STRBP: variants seen among roughly 807,000 people sequenced by gnomAD.
STRBP encodes the protein spermatid perinuclear RNA-binding protein.
Under a neutral mutation model 80.1 loss-of-function variants are expected in STRBP, and 13 were observed. The ratio of observed to expected loss-of-function variants is 0.16; its 90% CI spans 0.11 to 0.26. The LOEUF is 0.26. Among genes scored for constraint, STRBP ranks in the 10% least tolerant of loss-of-function variants. The pLI is 1.00. For missense variants in STRBP, 485 were observed against 815.2 expected (o/e 0.59, Z 4.93); for synonymous variants, 284 against 291.2 (o/e 0.98, Z 0.25).
chr9:123,142,167 G>A (rs1047445071), intron 13 of STRBP, among the ~76,000 whole-genome samples: 1 of 152,202 alleles, frequency 6.6e-6, no homozygotes, highest in Admixed American at 6.5e-5. Context: ...CCCAGTGTTG[G>A]AGGTGGGGCC....
chr9:123,141,239 ATAGAAG>A (rs1256099350), intron 13 of STRBP, among the ~76,000 whole-genome samples: 1 of 152,220 alleles, frequency 6.6e-6, no homozygotes, highest in African/African-American at 2.4e-5. Flanking sequence ...ATCGACCTAC[ATAGAAG>A]TCTGTACCAA....
At chr9:123,222,642 T>G (rs763279245) in intron 2 of STRBP, among the ~76,000 whole-genome samples, 1 of 152,146 alleles carries the variant, frequency 6.6e-6, no homozygotes, top group Non-Finnish European at 1.5e-5. Flanking sequence ...CTCAGTAAAA[T>G]GTATCAATTC....
At chr9:123,217,807 C>T (rs1436877354) in intron 2 of STRBP, among the ~76,000 whole-genome samples, 1 of 152,180 alleles carries the variant, frequency 6.6e-6, no homozygotes, top group East Asian at 1.9e-4. Flanking sequence ...TTCAGTATTG[C>T]AAATCCACAC....
chr9:123,256,018 CTTTTTT>C (rs11338372), intron 1 of STRBP, among the ~76,000 whole-genome samples: 57 of 71,492 alleles, frequency 8.0e-4, no homozygotes, highest in African/African-American at 4.0e-3. Context: ...TCCTTTCTTT[CTTTTTT>C]TTTTTTTTTT....
chr9:123,229,064 G>C (rs1256511023), intron 2 of STRBP, among the ~76,000 whole-genome samples: 1 of 152,162 alleles, frequency 6.6e-6, no homozygotes, highest in South Asian at 2.1e-4. Flanking sequence ...ATTATGCTAA[G>C]GGAAAGAAGC....
chr9:123,246,424 T>C (rs527723049), intron 1 of STRBP, among the ~76,000 whole-genome samples: 4 of 152,340 alleles, frequency 2.6e-5, no homozygotes, highest in East Asian at 3.9e-4. Flanking sequence ...GGCAGACCGA[T>C]GTAGAGTCGC....
chr9:123,259,029 C>T (rs191974280), intron 1 of STRBP, among the ~76,000 whole-genome samples: 2 of 132,782 alleles, frequency 1.5e-5, no homozygotes, highest in African/African-American at 5.6e-5. Flanking sequence ...ATTCTTGTTA[C>T]TGTATTAAGA....
intron 1 of STRBP, among the ~76,000 whole-genome samples, chr9:123,250,375 AGTTT>A (rs1442610571): frequency 1.3e-5 from 2 of 152,218 alleles, no homozygotes; most frequent in Non-Finnish European, 2.9e-5. Context: ...AACATATAAT[AGTTT>A]ATTAGCATTT....
At chr9:123,144,253 T>C (rs1224530119) in intron 13 of STRBP, among the ~76,000 whole-genome samples, 2 of 151,696 alleles carry the variant, frequency 1.3e-5, no homozygotes, top group Admixed American at 6.6e-5. Flanking sequence ...AAAAAACATA[T>C]TTTTACAGAC....
intron 1 of STRBP, among the ~76,000 whole-genome samples, chr9:123,237,939 T>C (rs2040604495): frequency 1.3e-5 from 2 of 152,166 alleles, no homozygotes; most frequent in African/African-American, 2.4e-5. Flanking sequence ...GGCCCTAAAG[T>C]CAGATTGCCT....
chr9:123,249,126 C>T (rs762860772), intron 1 of STRBP, among the ~76,000 whole-genome samples: 32 of 152,206 alleles, frequency 2.1e-4, no homozygotes, highest in Non-Finnish European at 4.0e-4. Flanking sequence ...ACCTGTAATC[C>T]CAACACCTTG....
At chr9:123,223,430 T>C (rs1588125897) in intron 2 of STRBP, among the ~76,000 whole-genome samples, 1 of 152,150 alleles carries the variant, frequency 6.6e-6, no homozygotes, top group Admixed American at 6.5e-5. Flanking sequence ...ATGTTAAAAA[T>C]AGGTGGAATT....
chr9:123,244,552 A>G (rs1265732851), intron 1 of STRBP, among the ~76,000 whole-genome samples: 1 of 152,224 alleles, frequency 6.6e-6, no homozygotes, highest in Non-Finnish European at 1.5e-5. Flanking sequence ...TCATGAGGGA[A>G]GAAGGTATAT....
In STRBP at chr9:123,161,023, T is replaced by G; in HGVS notation, c.581A>C (p.Lys194Thr). ...KDPPDLLDRQ[K>T]CLNALASLRH... ...AAGAGACGCCAAGGCGTTCAGGCAT[T>G]TCTGCCTGTCCAATAAGTCCGGAGG... Residue 194 changes from lysine to threonine, a missense_variant, in exon 7 of 19, where the codon AAA (lysine) becomes ACA (threonine). By Grantham distance (78) the Lys-to-Thr change is moderately conservative. This residue lies in a region of STRBP where 377 missense variants were observed against 616.1 expected (regional missense o/e 0.61). Transcript: ENST00000348403. 6.3e-7 allele frequency: 1 copy of G among 1,597,296 alleles called. No homozygotes were observed. The highest frequency in any genetic ancestry group is 1.4e-5 in the African/African-American group (1 of 73,450).
intron 1 of STRBP, among the ~76,000 whole-genome samples, chr9:123,256,795 C>T (rs953968676): frequency 6.6e-6 from 1 of 151,986 alleles, no homozygotes; most frequent in Non-Finnish European, 1.5e-5. Context: ...ACCTAAACTG[C>T]GCATCCTTCA....
At chr9:123,234,962 A>AT (rs1339836609) in intron 2 of STRBP, among the ~76,000 whole-genome samples, 2 of 136,656 alleles carry the variant, frequency 1.5e-5, no homozygotes, top group South Asian at 2.5e-4. Flanking sequence ...GTTTAAAAAA[A>AT]TTTTTTTTGT....
In STRBP at chr9:123,243,068, T is replaced by G. The variant is rs564710421; in HGVS notation, c.-301-6102A>C. Among the ~76,000 whole-genome samples, 10 of 152,176 alleles carry G rather than the reference T, an allele frequency of 6.6e-5. 1 individual carries two copies. The highest frequency in any genetic ancestry group is 4.6e-4 in the Admixed American group (7 of 15,300). On this transcript the variant is annotated intron_variant, in intron 1 of 18. Transcript: ENST00000348403. Reference sequence around the variant, plus strand: ...AATTCTACCAAATTTAAAGACTTATTATATAGCCACAGTAATCAAGATTGC... The same window carrying G: ...AATTCTACCAAATTTAAAGACTTATGATATAGCCACAGTAATCAAGATTGC...
intron 2 of STRBP, among the ~76,000 whole-genome samples, chr9:123,196,073 T>C (rs1474498839): frequency 6.6e-6 from 1 of 152,098 alleles, no homozygotes; most frequent in Non-Finnish European, 1.5e-5. Flanking sequence ...AATCCATACA[T>C]CTCCAGTGGA....
intron 2 of STRBP, among the ~76,000 whole-genome samples, chr9:123,227,479 A>G (rs879819594): frequency 3.9e-5 from 6 of 152,066 alleles, no homozygotes; most frequent in Admixed American, 2.6e-4. Flanking sequence ...TTTGGCTGTT[A>G]CTGAGTGAAA....
Sources: allele counts gnomAD v4.1 joint callset (sites outside exome capture counted in the v4.1 genomes callset), GRCh38; gene constraint gnomAD v4.1.1; regional missense constraint gnomAD v4.1.1; transcripts MANE v1.5; gene names NCBI Gene and HGNC (gene_info 2026-07-23, HGNC 2026-07-21).